Variants in IDE observed in about 807,000 individuals in gnomAD.
IDE encodes the protein insulin degrading enzyme, also known as insulin-degrading enzyme.
Under a neutral mutation model 133.2 loss-of-function variants are expected in IDE, and 58 were observed. The observed-to-expected ratio is 0.44, with a 90% CI of 0.35 to 0.54. The LOEUF (loss-of-function observed/expected upper bound fraction) is 0.54. Ranked by LOEUF, IDE falls within the 20% of genes least tolerant of loss-of-function variation. IDE has a pLI of 0.00. For missense variants in IDE, 981 were observed against 1,234.0 expected (o/e 0.79, Z 3.07); for synonymous variants, 396 against 421.3 (o/e 0.94, Z 0.73).
At chr10:92,484,512 G>A (rs1263113852) in intron 13 of IDE, among the ~76,000 whole-genome samples, 1 of 151,936 alleles carries the variant, frequency 6.6e-6, no homozygotes, top group African/African-American at 2.4e-5. Flanking sequence ...GCAGGCAGAT[G>A]ACTTGAGGCC....
intron 3 of IDE, among the ~76,000 whole-genome samples, chr10:92,533,620 C>T (rs996070181): frequency 1.3e-5 from 2 of 150,960 alleles, no homozygotes; most frequent in African/African-American, 4.9e-5. Flanking sequence ...ATGCTTTGGA[C>T]TACCAGAGTG....
At chr10:92,481,486 A>C (rs576577641) in intron 14 of IDE, among the ~76,000 whole-genome samples, 1 of 152,212 alleles carries the variant, frequency 6.6e-6, no homozygotes, top group African/African-American at 2.4e-5. Flanking sequence ...GGTGAAGTGG[A>C]GAAGACCCTA....
chr10:92,515,077 C>A, intron 4 of IDE, 35 bp from the exon 5 acceptor site: 1 of 1,545,858 alleles, frequency 6.5e-7, no homozygotes, highest in Non-Finnish European at 8.8e-7. Context: ...TTAGAAAAAG[C>A]AAAATATGTG....
intron 19 of IDE, among the ~76,000 whole-genome samples, chr10:92,466,400 T>C (rs1431550776): frequency 6.6e-6 from 1 of 151,686 alleles, no homozygotes; most frequent in Non-Finnish European, 1.5e-5. Context: ...CACTGCAACC[T>C]CCGCCTACTG....
intron 14 of IDE, among the ~76,000 whole-genome samples, chr10:92,481,708 A>C (rs1846622057): frequency 6.6e-6 from 1 of 152,224 alleles, no homozygotes; most frequent in Non-Finnish European, 1.5e-5. Context: ...TTCAATTAAA[A>C]TGTACAAGAA....
Position 92,452,890 on chromosome 10 carries a change from A to G in IDE, c.*1554T>C, listed in dbSNP as rs190690602. 6.6e-6 allele frequency: 1 copy of G among 152,324 alleles called. No individual in the cohort carries two copies. The highest frequency in any genetic ancestry group is 2.4e-5 in the African/African-American group (1 of 41,578). The allele number at this position is 152,324 out of a possible 1,614,324, so 9.4% of individuals were successfully genotyped here. ...AGGCTTCATATAAGGAGGTTCTTGA[A>G]GGTAGGGATAAAAAGATGGTTACAG... On this transcript the variant is annotated 3_prime_UTR_variant, in exon 25 of 25. Transcript: ENST00000265986.
chr10:92,476,283 C>G (rs554156945), intron 15 of IDE, among the ~76,000 whole-genome samples: 37 of 151,996 alleles, frequency 2.4e-4, no homozygotes, highest in African/African-American at 8.0e-4. Context: ...AGGCAATTCT[C>G]CTGTCTCAGC....
At chr10:92,546,838 T>G (rs548020403) in intron 1 of IDE, among the ~76,000 whole-genome samples, 2 of 152,310 alleles carry the variant, frequency 1.3e-5, no homozygotes, top group South Asian at 4.1e-4. Flanking sequence ...ATAACATAGA[T>G]AAAAGCAAAA....
At chr10:92,484,980 C>T (rs1846883078) in intron 13 of IDE, among the ~76,000 whole-genome samples, 1 of 151,778 alleles carries the variant, frequency 6.6e-6, no homozygotes, top group Non-Finnish European at 1.5e-5. Flanking sequence ...CACTTTAGCC[C>T]AGGAGGCCAA....
At chr10:92,487,733 A>T (rs1847091402) in intron 12 of IDE, among the ~76,000 whole-genome samples, 1 of 152,268 alleles carries the variant, frequency 6.6e-6, no homozygotes, top group Admixed American at 6.5e-5. Context: ...TTTCAGCTAT[A>T]CTAAGTTATA....
chr10:92,529,580 A>G (rs961608251), intron 4 of IDE, among the ~76,000 whole-genome samples: 15 of 152,112 alleles, frequency 9.9e-5, no homozygotes, highest in South Asian at 2.1e-4. Flanking sequence ...AGAATATTTT[A>G]AGATTGTTCT....
rs1242063558 is a variant in IDE at position 92,463,868 on chromosome 10, T to C, written c.2624A>G (p.Glu875Gly). 1 of 1,614,104 alleles carries C rather than the reference T, an allele frequency of 6.2e-7. No individual in the cohort carries two copies. The highest frequency in any genetic ancestry group is 1.3e-5 in the African/African-American group (1 of 74,942). Residue 875 changes from glutamate (E) to glycine (G), a missense_variant, in exon 21 of 25, where the codon GAG becomes GGG. Physicochemically the swap from Glu to Gly is moderately conservative, Grantham distance 98. Coordinates refer to ENST00000265986, the MANE Select transcript of IDE (RefSeq NM_004969.4). ...AFLITMEKSI[E>G]DMTEEAFQKH... The stretch of plus-strand genomic sequence containing the variant: ...TTGGAAGGCCTCTTCTGTCATGTCC[T>C]CTATGGACTTTTCCATGGTAATTAA...
chr10:92,570,382 CAG>C (rs1306823353), intron 1 of IDE, among the ~76,000 whole-genome samples: 1 of 152,152 alleles, frequency 6.6e-6, no homozygotes, highest in Non-Finnish European at 1.5e-5. Flanking sequence ...GTACTGGACA[CAG>C]TGTGTGATCA....
chr10:92,551,588 A>G (rs991037198), intron 1 of IDE, among the ~76,000 whole-genome samples: 1 of 151,620 alleles, frequency 6.6e-6, no homozygotes, highest in Non-Finnish European at 1.5e-5. Context: ...AAAAAAAAGA[A>G]AAGAAATCAG....
At chr10:92,508,559 G>GA (rs5787000) in intron 7 of IDE, among the ~76,000 whole-genome samples, 169 bp downstream of exon 7, 93,195 of 130,484 alleles carry the variant, frequency 0.71, 32,214 homozygotes, top group East Asian at 0.85. Flanking sequence ...ATCTAAAAAA[G>GA]AAAAAAAAAA....
At chr10:92,507,328 T>C (rs1319564641) in intron 9 of IDE, among the ~76,000 whole-genome samples, 2 of 152,128 alleles carry the variant, frequency 1.3e-5, no homozygotes, top group Non-Finnish European at 2.9e-5. Context: ...GGAAAAGCAT[T>C]TGATTTCTTC....
At chr10:92,488,388 C>T (rs534543209) in intron 12 of IDE, among the ~76,000 whole-genome samples, 5 of 152,330 alleles carry the variant, frequency 3.3e-5, no homozygotes, top group South Asian at 4.1e-4. Context: ...TCAGCCACCA[C>T]GCTCGGCTTT....
chr10:92,508,112 C>T lies in IDE; in HGVS notation c.1153+1G>A. ...AAGTAAAAAGGTGAATCAATACTTACATAATCCTTCCTCGGTCAAGTCCAC... is the reference window on the plus strand; with the variant it reads ...AAGTAAAAAGGTGAATCAATACTTATATAATCCTTCCTCGGTCAAGTCCAC... On this transcript the variant is annotated splice_donor_variant, in intron 8 of 24. Transcript: ENST00000265986. LOFTEE classifies it high-confidence loss of function. 6.2e-7 allele frequency: 1 copy of T among 1,602,308 alleles called. No individual in the cohort carries two copies. The highest frequency in any genetic ancestry group is 8.5e-7 in the Non-Finnish European group (1 of 1,171,174).
chr10:92,457,776 G>A (rs1321498333), intron 22 of IDE, among the ~76,000 whole-genome samples: 3 of 152,034 alleles, frequency 2.0e-5, no homozygotes, highest in Non-Finnish European at 2.9e-5. Context: ...TAATAAGCCT[G>A]GTCCTATGTG....
Sources: allele counts gnomAD v4.1 joint callset (sites outside exome capture counted in the v4.1 genomes callset), GRCh38; gene constraint gnomAD v4.1.1; transcripts MANE v1.5; gene names NCBI Gene and HGNC (gene_info 2026-07-23, HGNC 2026-07-21).